CCSER1: variants seen among roughly 807,000 people sequenced by gnomAD.
CCSER1 encodes the protein serine-rich coiled-coil domain-containing protein 1.
A neutral mutation model predicts 82.0 loss-of-function variants in CCSER1; 41 were observed. The ratio of observed to expected loss-of-function variants is 0.50; its 90% CI spans 0.39 to 0.65. The LOEUF is 0.65. Ranked by LOEUF, CCSER1 falls within the 30% of genes least tolerant of loss-of-function variation. The pLI is 0.00. For synonymous variants in CCSER1, 414 were observed against 383.9 expected (o/e 1.08, Z -0.92); for missense variants, 1,119 against 1,064.2 (o/e 1.05, Z -0.72).
At chr4:91,137,719 T>G (rs1355324241) in intron 10 of CCSER1, among the ~76,000 whole-genome samples, 1 of 151,940 alleles carries the variant, frequency 6.6e-6, no homozygotes, top group Non-Finnish European at 1.5e-5. Flanking sequence ...TGGTGTGAGA[T>G]GATATCTCAT....
intron 10 of CCSER1, among the ~76,000 whole-genome samples, chr4:91,291,690 G>GC (rs1478097028): frequency 5.9e-5 from 9 of 151,950 alleles, no homozygotes; most frequent in Non-Finnish European, 1.0e-4. Context: ...ACTAGAAAGT[G>GC]CCCCTATGAT....
intron 7 of CCSER1, among the ~76,000 whole-genome samples, chr4:90,791,006 G>A (rs1163032590): frequency 6.6e-6 from 1 of 152,152 alleles, no homozygotes; most frequent in Non-Finnish European, 1.5e-5. Context: ...GATTTATAAA[G>A]AAAAGAGATT....
At chr4:90,408,811 G>T (rs962183521) in intron 4 of CCSER1, among the ~76,000 whole-genome samples, 4 of 152,208 alleles carry the variant, frequency 2.6e-5, no homozygotes, top group Non-Finnish European at 5.9e-5. Context: ...AGAGAAGAAG[G>T]CTTCAGAAGA....
intron 3 of CCSER1, among the ~76,000 whole-genome samples, chr4:90,356,970 C>T (rs1744470281): frequency 6.6e-6 from 1 of 151,814 alleles, no homozygotes; most frequent in Non-Finnish European, 1.5e-5. Context: ...AGAAAACATT[C>T]CTATCAATCA....
At chr4:90,379,488 G>A (rs1748876483) in intron 3 of CCSER1, among the ~76,000 whole-genome samples, 1 of 152,118 alleles carries the variant, frequency 6.6e-6, no homozygotes, top group African/African-American at 2.4e-5. Flanking sequence ...ACTTGTCAAG[G>A]AGCTTGGGGA....
At chr4:91,081,398 T>A (rs1487749544) in intron 9 of CCSER1, among the ~76,000 whole-genome samples, 1 of 152,148 alleles carries the variant, frequency 6.6e-6, no homozygotes, top group Non-Finnish European at 1.5e-5. Flanking sequence ...AATTAGGTAT[T>A]CATGGGACAT....
intron 5 of CCSER1, among the ~76,000 whole-genome samples, chr4:90,492,496 G>A (rs544123501): frequency 2.6e-5 from 4 of 151,994 alleles, no homozygotes; most frequent in Admixed American, 1.3e-4. Flanking sequence ...TTTTTTGAAG[G>A]GCTTTTTGTG....
At position 90,734,196 on chromosome 4, in the gene CCSER1, G is replaced by A. The variant is rs534840615; in HGVS notation, c.2010+10205G>A. Among the ~76,000 whole-genome samples the A allele has an allele frequency of 4.0e-5, 6 of 151,778 alleles. No individual in the cohort carries two copies. The South Asian group carries it at 1.0e-3, about 26-fold the overall frequency. ...GCTGGAGTGAAGTGGTGCAATCTCC[G>A]GTCACTGCAAGCTCTGCCTCCTGGG... On this transcript the variant is annotated intron_variant, in intron 7 of 10. Transcript: ENST00000509176.
chr4:90,918,652 T>C (rs959050798), intron 8 of CCSER1, among the ~76,000 whole-genome samples: 21 of 151,406 alleles, frequency 1.4e-4, no homozygotes, highest in Middle Eastern at 3.2e-3. Context: ...TATATATATA[T>C]ATTAGTAATA....
chr4:90,226,660 AG>A (rs1166085920), intron 1 of CCSER1, among the ~76,000 whole-genome samples: 1 of 152,260 alleles, frequency 6.6e-6, no homozygotes, highest in East Asian at 1.9e-4. Context: ...CTTTCTTTAC[AG>A]GTGCTTCACA....
At chr4:90,468,860 T>A (rs1315968242) in intron 5 of CCSER1, among the ~76,000 whole-genome samples, 2 of 152,168 alleles carry the variant, frequency 1.3e-5, no homozygotes, top group African/African-American at 4.8e-5. Context: ...TAATTTAAAT[T>A]AAAATTTGAT....
At chr4:90,311,791 A>C (rs1236234355) in intron 2 of CCSER1, among the ~76,000 whole-genome samples, 1 of 152,224 alleles carries the variant, frequency 6.6e-6, no homozygotes, top group East Asian at 1.9e-4. Flanking sequence ...GATTCTGGAC[A>C]GTCTTTAAAC....
intron 1 of CCSER1, among the ~76,000 whole-genome samples, chr4:90,301,134 G>A (rs1733022316): frequency 6.6e-6 from 1 of 151,930 alleles, no homozygotes; most frequent in African/African-American, 2.4e-5. Context: ...TGAACCCAGA[G>A]AATAATTTTT....
At chr4:91,459,811 G>A (rs1000575556) in intron 10 of CCSER1, among the ~76,000 whole-genome samples, 5 of 152,074 alleles carry the variant, frequency 3.3e-5, no homozygotes, top group Non-Finnish European at 7.4e-5. Context: ...TGCAAAAACT[G>A]CAGTTATTCC....
chr4:91,583,816 G>A (rs1763853782), intron 10 of CCSER1, among the ~76,000 whole-genome samples: 1 of 151,438 alleles, frequency 6.6e-6, no homozygotes, highest in Admixed American at 6.6e-5. Flanking sequence ...TATGCCCTCT[G>A]CTTTAAAGGA....
At chr4:91,116,255 G>C (rs530944909) in intron 10 of CCSER1, among the ~76,000 whole-genome samples, 1 of 152,112 alleles carries the variant, frequency 6.6e-6, no homozygotes, top group Non-Finnish European at 1.5e-5. Context: ...AAAAAATGAC[G>C]AGTTCATGTC....
In CCSER1 at chr4:91,403,201, G is replaced by C. The variant is rs182168805; in HGVS notation, c.2218-195371G>C. On this transcript the variant is annotated intron_variant, in intron 10 of 10. Transcript: ENST00000509176. ...TCATGGTTTGGATCTCTGTTTGTCT[G>C]TTATTGGTGTATAGGAATGCTTGTG... Among the ~76,000 whole-genome samples, 1,106 of 152,226 alleles carry C rather than the reference G, an allele frequency of 7.3e-3. 6 individuals carry two copies. The highest frequency in any genetic ancestry group is 9.9e-3 in the Non-Finnish European group (670 of 68,012).
chr4:90,730,048 T>C (rs1744422354), intron 7 of CCSER1, among the ~76,000 whole-genome samples: 1 of 152,188 alleles, frequency 6.6e-6, no homozygotes, highest in African/African-American at 2.4e-5. Context: ...TTAACCACTT[T>C]AGAATACTGG....
intron 8 of CCSER1, among the ~76,000 whole-genome samples, chr4:90,874,480 T>G (rs1766951956): frequency 6.6e-6 from 1 of 152,168 alleles, no homozygotes; most frequent in Non-Finnish European, 1.5e-5. Flanking sequence ...TGATGCTATC[T>G]TGTGGATGGG....
Sources: allele counts gnomAD v4.1 joint callset (sites outside exome capture counted in the v4.1 genomes callset), GRCh38; gene constraint gnomAD v4.1.1; transcripts MANE v1.5; gene names NCBI Gene and HGNC (gene_info 2026-07-23, HGNC 2026-07-21).